Variants in PRMT8 observed in about 807,000 individuals in gnomAD.
PRMT8 encodes the protein protein arginine methyltransferase 8, also known as protein arginine N-methyltransferase 8.
PRMT8 carries 7 observed loss-of-function variants against 47.1 expected under a neutral mutation model. That is an observed-to-expected ratio of 0.15 (90% CI 0.08 to 0.28). The LOEUF (loss-of-function observed/expected upper bound fraction) is 0.28, where lower values mean the gene tolerates loss of function less well. Ranked by LOEUF, PRMT8 falls within the 10% of genes least tolerant of loss-of-function variation. The pLI is 1.00. For missense variants in PRMT8, 237 were observed against 505.4 expected, an observed-to-expected ratio of 0.47 and a Z score of 5.09; for synonymous variants, 188 against 186.5, an observed-to-expected ratio of 1.01 and a Z score of -0.07.
intron 1 of PRMT8, among the ~76,000 whole-genome samples, chr12:3,422,969 T>G (rs1864559903): frequency 6.6e-6 from 1 of 152,234 alleles, no homozygotes; most frequent in Non-Finnish European, 1.5e-5. Flanking sequence ...TTTGGTGAAC[T>G]AAGGTAGCGA....
chr12:3,530,319 T>A (rs1211559451), intron 1 of PRMT8, among the ~76,000 whole-genome samples: 1 of 152,216 alleles, frequency 6.6e-6, no homozygotes, highest in Non-Finnish European at 1.5e-5. Context: ...CATTATCACA[T>A]CTTTCTTATC....
chr12:3,558,860 T>C (rs1418021064), intron 4 of PRMT8, among the ~76,000 whole-genome samples: 3 of 152,202 alleles, frequency 2.0e-5, no homozygotes, highest in Admixed American at 2.0e-4. Flanking sequence ...AAAGCTGCTC[T>C]TTTCCCTTTG....
chr12:3,589,518 C>T (rs754240123), intron 8 of PRMT8, among the ~76,000 whole-genome samples: 5 of 152,180 alleles, frequency 3.3e-5, no homozygotes, highest in African/African-American at 7.2e-5. Context: ...TGTGTGTCTA[C>T]GTCACCTGCC....
chr12:3,457,999 T>C (rs541543884), intron 1 of PRMT8, among the ~76,000 whole-genome samples: 12 of 152,220 alleles, frequency 7.9e-5, no homozygotes, highest in African/African-American at 2.9e-4. Context: ...TGTGCCATCA[T>C]GCCCAGCTAA....
chr12:3,401,726 A>G (rs530436816), intron 1 of PRMT8, among the ~76,000 whole-genome samples: 3 of 152,160 alleles, frequency 2.0e-5, no homozygotes, highest in Non-Finnish European at 4.4e-5. Context: ...CCCATTCACA[A>G]TTGCTACAAA....
intron 1 of PRMT8, among the ~76,000 whole-genome samples, chr12:3,533,520 T>C (rs1316447045): frequency 6.6e-6 from 1 of 152,260 alleles, no homozygotes; most frequent in African/African-American, 2.4e-5. Flanking sequence ...ATTCTTCTTC[T>C]TCTAATGTGG....
intron 1 of PRMT8, among the ~76,000 whole-genome samples, chr12:3,457,769 A>T (rs921154051): frequency 6.6e-6 from 1 of 152,084 alleles, no homozygotes; most frequent in Admixed American, 6.6e-5. Flanking sequence ...TTCAAAAAAG[A>T]AGAAAATAAA....
intron 7 of PRMT8, among the ~76,000 whole-genome samples, chr12:3,582,690 G>T (rs1264068706): frequency 6.6e-6 from 1 of 152,154 alleles, no homozygotes; most frequent in Non-Finnish European, 1.5e-5. Flanking sequence ...ATGGAGCAGT[G>T]CCTGGGTGGA....
At chr12:3,457,059 G>A (rs1864981996) in intron 1 of PRMT8, among the ~76,000 whole-genome samples, 1 of 152,174 alleles carries the variant, frequency 6.6e-6, no homozygotes. Flanking sequence ...GAATAGAAGA[G>A]TGCTGTTGTT....
At chr12:3,392,876 G>A (rs539644893) in intron 1 of PRMT8, among the ~76,000 whole-genome samples, 3 of 152,270 alleles carry the variant, frequency 2.0e-5, no homozygotes, top group Admixed American at 1.3e-4. Context: ...AGCACTTGAT[G>A]TTTCCTGACT....
rs1866108171 is a variant in PRMT8, at chr12:3,535,810, C to T, written c.76-4796C>T. Among the ~76,000 whole-genome samples the T allele has an allele frequency of 6.6e-6, 1 of 152,162 alleles. No homozygotes were observed. Among genetic ancestry groups the T allele is most frequent in the African/African-American group, 2.4e-5 (1 of 41,434 alleles). ...GACGCTGATGTTGAGAGTCCAGCTG[C>T]CCATCCGAGTGTGATTCCAAATCCT... On this transcript the variant is annotated intron_variant, in intron 1 of 9. Transcript: ENST00000382622. The surrounding 1 kb of genome is among the most constrained non-coding windows in gnomAD (Gnocchi z 4.7).
At position 3,436,446 on chromosome 12, in the gene PRMT8, A is replaced by G. The variant is rs1020305747; in HGVS notation, c.48+55004A>G. Among the ~76,000 whole-genome samples, 1 of 152,128 alleles carries G rather than the reference A, an allele frequency of 6.6e-6. No homozygotes were observed. The highest frequency in any genetic ancestry group is 1.5e-5 in the Non-Finnish European group (1 of 68,000). On this transcript the variant is annotated intron_variant, in intron 1 of 9. Coordinates refer to the PRMT8 transcript ENST00000452611. The surrounding 1 kb of genome is among the most constrained non-coding windows in gnomAD (Gnocchi z 4.2). ...GCTACTGTGATAAAATTCTGGTTTT[A>G]TCCCTCAGAACCCAGGTAGCTGCTT...
intron 1 of PRMT8, among the ~76,000 whole-genome samples, chr12:3,402,278 G>A (rs1186308253): frequency 2.0e-5 from 3 of 152,188 alleles, no homozygotes; most frequent in Non-Finnish European, 2.9e-5. Flanking sequence ...GCCATATGGC[G>A]AAAATTGAAA....
At chr12:3,562,328 A>G (rs567559451) in intron 4 of PRMT8, among the ~76,000 whole-genome samples, 1 of 152,248 alleles carries the variant, frequency 6.6e-6, no homozygotes, top group Admixed American at 6.5e-5. Context: ...AGTTTCATGT[A>G]TTCATCCTTT....
intron 1 of PRMT8, among the ~76,000 whole-genome samples, chr12:3,396,332 A>G (rs1227084732): frequency 6.6e-6 from 1 of 151,986 alleles, no homozygotes; most frequent in Non-Finnish European, 1.5e-5. Flanking sequence ...TTTTGGCATG[A>G]TTTTGCAGCG....
intron 1 of PRMT8, among the ~76,000 whole-genome samples, chr12:3,413,101 C>G (rs1010881908): frequency 1.3e-5 from 2 of 152,162 alleles, no homozygotes; most frequent in African/African-American, 4.8e-5. Context: ...ACGCTTGCTT[C>G]TGGCTGTTAG....
chr12:3,592,219 C>T lies in PRMT8; in HGVS notation c.980-12C>T, dbSNP rs926560081. ...TCTTTCTTCCCACCTCCCCTGTTCT[C>T]TCACCCCTCAGCCCCTGATGCTCCC... On this transcript the variant is annotated splice_polypyrimidine_tract_variant and intron_variant, in intron 8 of 9. Transcript: ENST00000382622. 6.4e-7 allele frequency: 1 copy of T among 1,552,838 alleles called. No homozygotes were observed. Among genetic ancestry groups the T allele is most frequent in the African/African-American group, 1.4e-5 (1 of 70,590 alleles).
chr12:3,496,914 A>ATT (rs34785835), intron 1 of PRMT8, among the ~76,000 whole-genome samples: 34 of 129,450 alleles, frequency 2.6e-4, no homozygotes, highest in Non-Finnish European at 3.5e-4. Context: ...AAGATACCCA[A>ATT]TTTTTTTTTT....
chr12:3,591,162 T>C (rs1591619697), intron 8 of PRMT8, among the ~76,000 whole-genome samples: 2 of 151,928 alleles, frequency 1.3e-5, no homozygotes, highest in African/African-American at 4.8e-5. Flanking sequence ...AACTGGAGAA[T>C]ATATCGTGTG....
Sources: gnomAD v4.1 joint callset for allele counts (sites outside exome capture counted in the v4.1 genomes callset) on GRCh38, gnomAD v4.1.1 for gene constraint, Gnocchi (gnomAD v3.1) non-coding constraint, MANE v1.5 for transcripts, NCBI Gene and HGNC (gene_info 2026-07-23, HGNC 2026-07-21) for gene names.